CBY1: variants seen among roughly 807,000 people sequenced by gnomAD.
CBY1 encodes the protein chibby 1, beta catenin antagonist, also known as protein chibby homolog 1.
A neutral mutation model predicts 15.6 loss-of-function variants in CBY1; 10 were observed. The observed-to-expected ratio is 0.64, with a 90% CI of 0.40 to 1.09. The LOEUF is 1.09. CBY1 is among the 50% of genes least tolerant of loss of function. CBY1 has a pLI of 0.01. For synonymous variants in CBY1, 61 were observed against 63.5 expected (o/e 0.96, Z 0.19); for missense variants, 150 against 160.5 (o/e 0.93, Z 0.35).
At chr22:38,666,628 CTG>C (rs1474489384) in intron 1 of CBY1, 1 of 152,126 alleles carries the variant, frequency 6.6e-6, no homozygotes, top group Admixed American at 6.6e-5. Flanking sequence ...ACAAGTGACA[CTG>C]GTGACAAGTG....
Position 38,673,596 on chromosome 22 carries a change from C to T in CBY1, c.*360C>T, listed in dbSNP as rs192070579. 4.1e-4 allele frequency: 96 copies of T among 231,640 alleles called. No homozygotes were observed. The Admixed American group carries it at 4.3e-3, about 10-fold the overall frequency. 14.3% of individuals were successfully genotyped at this position (231,640 alleles called of 1,614,324 possible). On this transcript the variant is annotated 3_prime_UTR_variant, in exon 5 of 5. Transcript: ENST00000216029. ...GAGAAGCGGCTGGAGTTCATTCTCT[C>T]ACCCCCTTATGTTGGTGTTTGGCGT...
chr22:38,669,585 A>G (rs1404508488), intron 2 of CBY1: 2 of 152,202 alleles, frequency 1.3e-5, no homozygotes, highest in African/African-American at 2.4e-5. Flanking sequence ...AAAACAAAGC[A>G]TAGGCCTGGG....
In CBY1 at chr22:38,670,907, G is replaced by A. The variant is rs1439025839; in HGVS notation, c.102G>A (p.Val34=). The A allele has an allele frequency of 1.9e-6, 3 of 1,614,204 alleles. No individual in the cohort carries two copies. Among genetic ancestry groups the A allele is most frequent in the Non-Finnish European group, 1.7e-6 (2 of 1,180,006 alleles). ...AGTTGGATCGATCAACCCGGGAGGT[G>A]GAGCTGGGCTTGGAATACGGATCCC... ...LHSLDRSTRE[V]ELGLEYGSPT... The change falls in exon 3 of 5, where the codon GTG becomes GTA. Residue 34 remains valine, a synonymous_variant. Coordinates refer to ENST00000216029, the MANE Select transcript of CBY1 (RefSeq NM_015373.4).
chr22:38,672,164 AG>A (rs1442131174), intron 4 of CBY1, among the ~76,000 whole-genome samples: 1 of 151,340 alleles, frequency 6.6e-6, no homozygotes, highest in African/African-American at 2.4e-5. Context: ...CAGGAGGCTG[AG>A]GCAGGAGAAT....
chr22:38,657,999 G>C (rs1022568300), intron 1 of CBY1, among the ~76,000 whole-genome samples: 1 of 152,092 alleles, frequency 6.6e-6, no homozygotes. Context: ...ATATGAAATT[G>C]TCACAATTTG....
intron 1 of CBY1, among the ~76,000 whole-genome samples, chr22:38,666,305 C>G (rs897919492): frequency 6.6e-6 from 1 of 151,606 alleles, no homozygotes; most frequent in African/African-American, 2.4e-5. Context: ...GTCTTGAACT[C>G]CTGTGCTCAA....
At chr22:38,663,223 G>A (rs529175523) in intron 1 of CBY1, among the ~76,000 whole-genome samples, 11 of 152,170 alleles carry the variant, frequency 7.2e-5, no homozygotes, top group South Asian at 2.1e-4. Flanking sequence ...TTGGGAGGCC[G>A]AGGCAGGTGG....
chr22:38,657,306 C>G (rs915412569), intron 1 of CBY1, among the ~76,000 whole-genome samples: 8 of 152,200 alleles, frequency 5.3e-5, no homozygotes, highest in Admixed American at 1.3e-4. Flanking sequence ...CACTAAAACA[C>G]TATAACATCT....
chr22:38,659,679 G>T (rs62229989), intron 1 of CBY1, among the ~76,000 whole-genome samples: 5 of 151,498 alleles, frequency 3.3e-5, no homozygotes, highest in Non-Finnish European at 7.4e-5. Context: ...TGGCTAACAC[G>T]GTGAAACCCC....
chr22:38,665,331 G>A (rs1603116627), intron 1 of CBY1, among the ~76,000 whole-genome samples: 1 of 152,126 alleles, frequency 6.6e-6, no homozygotes, highest in Admixed American at 6.6e-5. Context: ...CAGCATGGTG[G>A]TGCGTGCCTA....
rs376113954 is a variant in CBY1 at position 38,662,331 on chromosome 22, A to T, written c.-39+5581A>T. On this transcript the variant is annotated intron_variant, in intron 1 of 4. Transcript: ENST00000216029. ...AAAAAAATAAATAAATAAATAAAATAAAAAATTGGGTGATATATGGGGAAA... is the reference window on the plus strand; with the variant it reads ...AAAAAAATAAATAAATAAATAAAATTAAAAATTGGGTGATATATGGGGAAA... 2.4e-4 allele frequency among the ~76,000 whole-genome samples: 37 copies of T among 152,026 alleles called. No homozygotes were observed. The East Asian group carries it at 3.1e-3, about 13-fold the overall frequency.
intron 4 of CBY1, 63 bp downstream of exon 4, chr22:38,671,251 CACTT>C (rs1423738837): frequency 3.3e-6 from 4 of 1,219,252 alleles, no homozygotes; most frequent in Non-Finnish European, 4.9e-6. Context: ...CACCTCGAGT[CACTT>C]AATCCAACAG....
At chr22:38,667,482 C>G (rs934266623) in intron 1 of CBY1, 1 of 152,466 alleles carries the variant, frequency 6.6e-6, no homozygotes, top group Non-Finnish European at 1.5e-5. Flanking sequence ...CCCAAAAAAT[C>G]TTAGCATACC....
At chr22:38,660,063 G>A (rs1173841735) in intron 1 of CBY1, among the ~76,000 whole-genome samples, 1 of 152,072 alleles carries the variant, frequency 6.6e-6, no homozygotes, top group Non-Finnish European at 1.5e-5. Flanking sequence ...CAAGTTTTGA[G>A]TGCCCTTGAA....
intron 1 of CBY1, among the ~76,000 whole-genome samples, chr22:38,657,332 A>G (rs1237454729): frequency 1.3e-5 from 2 of 152,158 alleles, no homozygotes; most frequent in Admixed American, 6.6e-5. Flanking sequence ...GCCAGGTACT[A>G]TTATTATTCC....
intron 2 of CBY1, 152 bp downstream of exon 2, chr22:38,668,284 T>C (rs933953557): frequency 3.0e-5 from 17 of 569,810 alleles, no homozygotes; most frequent in African/African-American, 1.3e-4. Flanking sequence ...ATTTTTGAAC[T>C]CTTGTTTGGG....
At chr22:38,669,402 T>G (rs908511121) in intron 2 of CBY1, among the ~76,000 whole-genome samples, 1 of 152,192 alleles carries the variant, frequency 6.6e-6, no homozygotes. Flanking sequence ...TAAAGAGCTA[T>G]TGATTGATAC....
At chr22:38,658,768 G>A (rs1434789980) in intron 1 of CBY1, among the ~76,000 whole-genome samples, 1 of 151,694 alleles carries the variant, frequency 6.6e-6, no homozygotes, top group Non-Finnish European at 1.5e-5. Context: ...GAGCCACCAC[G>A]CCCGGCCTAT....
chr22:38,671,858 G>A (rs777528096), intron 4 of CBY1, among the ~76,000 whole-genome samples: 22 of 152,146 alleles, frequency 1.4e-4, no homozygotes, highest in Non-Finnish European at 2.6e-4. Context: ...TTGTGGTGGT[G>A]CACCCCTGTA....
Sources: allele counts gnomAD v4.1 joint callset (sites outside exome capture counted in the v4.1 genomes callset), GRCh38; gene constraint gnomAD v4.1.1; transcripts MANE v1.5; gene names NCBI Gene and HGNC (gene_info 2026-07-23, HGNC 2026-07-21).